The following YJU2B variants were observed in gnomAD, a reference collection of about 807,000 sequenced individuals.
YJU2B encodes YJU2 splicing factor homolog B, also known as probable splicing factor YJU2B.
In YJU2B, 18 loss-of-function variants were observed where a neutral mutation model predicts 38.0. The observed-to-expected ratio is 0.47, with a 90% CI of 0.33 to 0.70. YJU2B has a LOEUF of 0.70. Ranked by LOEUF, YJU2B falls within the 30% of genes least tolerant of loss-of-function variation. The pLI, the probability that YJU2B is intolerant of heterozygous loss-of-function variation, is 0.02. For missense variants in YJU2B, 538 were observed against 556.3 expected (o/e 0.97, Z 0.33); for synonymous variants, 246 against 225.4 (o/e 1.09, Z -0.82).
In YJU2B at chr19:13,734,532, C is replaced by T. The variant is rs563850921; in HGVS notation, c.-202+2247C>T. 5.3e-5 allele frequency among the ~76,000 whole-genome samples: 8 copies of T among 152,142 alleles called. No individual in the cohort carries two copies. The South Asian group carries it at 6.2e-4, about 12-fold the overall frequency. ...CTTGAACTCCTGGCCTCAAGTGATC[C>T]GCCCGCCTCGGCCTCCCGAAGTGCT... On this transcript the variant is annotated intron_variant, in intron 2 of 10. Transcript: ENST00000586600.
At chr19:13,742,255 T>C (rs1264713596) in intron 2 of YJU2B, among the ~76,000 whole-genome samples, 2 of 151,442 alleles carry the variant, frequency 1.3e-5, no homozygotes, top group Admixed American at 1.3e-4. Flanking sequence ...AGGAAGACAG[T>C]ATTTAACTCA....
At chr19:13,750,250 C>T (rs1414645431) in intron 1 of YJU2B, among the ~76,000 whole-genome samples, 3 of 152,022 alleles carry the variant, frequency 2.0e-5, no homozygotes, top group Admixed American at 1.3e-4. Flanking sequence ...TTGTTTGAGA[C>T]GGAGTCTCAC....
chr19:13,754,338 A>C lies in YJU2B; in HGVS notation c.53A>C (p.Glu18Ala). Residue 18 changes from glutamate (E) to alanine (A), a missense_variant, in exon 3 of 10, where the codon GAG becomes GCG. Glu to Ala is a moderately radical substitution (Grantham distance 107). Coordinates refer to ENST00000221554, the MANE Select transcript of YJU2B (RefSeq NM_030818.4). Reference sequence around the variant, plus strand: ...TACTATCCTCCAGACTTCAACCCTGAGAAGGTAAGCAGGCTCTCCGCTCCA... The same window carrying C: ...TACTATCCTCCAGACTTCAACCCTGCGAAGGTAAGCAGGCTCTCCGCTCCA... ...NKYYPPDFNP[E>A]KHGSLNRYHN... 1 of 1,613,494 alleles carries C rather than the reference A, an allele frequency of 6.2e-7. No individual in the cohort carries two copies. The highest frequency in any genetic ancestry group is 8.5e-7 in the Non-Finnish European group (1 of 1,179,406).
At chr19:13,746,698 G>A (rs1191464755), upstream of YJU2B, among the ~76,000 whole-genome samples, 2 of 152,146 alleles carry the variant, frequency 1.3e-5, no homozygotes, top group Non-Finnish European at 2.9e-5. Context: ...CCTGAGGTTG[G>A]GACTTCCAGA....
At chr19:13,737,026 CA>C (rs61619895) in intron 2 of YJU2B, among the ~76,000 whole-genome samples, 78 of 117,978 alleles carry the variant, frequency 6.6e-4, no homozygotes, top group Admixed American at 7.3e-4. Context: ...GACTCATTCT[CA>C]AAAAAAAAAA....
At chr19:13,761,721 A>G (rs1352588798) in intron 8 of YJU2B, among the ~76,000 whole-genome samples, 1 of 124,402 alleles carries the variant, frequency 8.0e-6, no homozygotes, top group Non-Finnish European at 1.7e-5. Flanking sequence ...TCTCTACAAA[A>G]AAAAATTTTT....
chr19:13,736,254 C>CTTTTTTTTTTTTT (rs60385996), intron 2 of YJU2B, among the ~76,000 whole-genome samples: 19 of 104,240 alleles, frequency 1.8e-4, no homozygotes, highest in South Asian at 6.8e-4. Context: ...TTCTTTCTTT[C>CTTTTTTTTTTTTT]TTTTTTTTTT....
chr19:13,736,254 C>CTT (rs60385996), intron 2 of YJU2B, among the ~76,000 whole-genome samples: 310 of 104,192 alleles, frequency 3.0e-3, no homozygotes, highest in Non-Finnish European at 3.9e-3. Context: ...TTCTTTCTTT[C>CTT]TTTTTTTTTT....
chr19:13,745,596 A>G (rs1355525943), upstream of YJU2B, among the ~76,000 whole-genome samples: 1 of 151,524 alleles, frequency 6.6e-6, no homozygotes, highest in Non-Finnish European at 1.5e-5. Context: ...GGTTGCGGTG[A>G]GCCAAGATTG....
intron 1 of YJU2B, among the ~76,000 whole-genome samples, chr19:13,748,619 G>C (rs1055974938): frequency 6.6e-6 from 1 of 152,084 alleles, no homozygotes; most frequent in African/African-American, 2.4e-5. Context: ...CTCTTTGCAG[G>C]CTCTTCCCGT....
chr19:13,749,199 T>G (rs1973361697), intron 1 of YJU2B, among the ~76,000 whole-genome samples: 1 of 152,198 alleles, frequency 6.6e-6, no homozygotes, highest in African/African-American at 2.4e-5. Context: ...AGACAGGGTT[T>G]CACCATGTTG....
chr19:13,744,115 C>T (rs376069590), upstream of YJU2B, among the ~76,000 whole-genome samples: 3 of 144,852 alleles, frequency 2.1e-5, no homozygotes, highest in East Asian at 4.2e-4. Flanking sequence ...CACTTGAACC[C>T]GAGAGGTGAA....
Position 13,751,633 on chromosome 19 carries a change from A to C in YJU2B, c.-176A>C, listed in dbSNP as rs114901324. On this transcript the variant is annotated 5_prime_UTR_variant, in exon 2 of 10. The change abolishes an upstream ATG in the 5' untranslated region. Coordinates refer to ENST00000221554, the MANE Select transcript of YJU2B (RefSeq NM_030818.4). ...ACACGCCGCTTTTTGGATGCCTCCTATGCCTGGCGGGAGTCTTGTCTGAGC... is the reference window on the plus strand; with the variant it reads ...ACACGCCGCTTTTTGGATGCCTCCTCTGCCTGGCGGGAGTCTTGTCTGAGC... 1.7e-4 allele frequency: 106 copies of C among 637,404 alleles called. 1 individual carries two copies. The African/African-American group carries it at 1.8e-3, about 11-fold the overall frequency. The allele number at this position is 637,404 out of a possible 1,614,324, so 39.5% of individuals were successfully genotyped here. A position where few individuals can be genotyped will look rare whatever the true frequency, so the allele number is the denominator to read the frequency against.
At position 13,757,687 on chromosome 19, in the gene YJU2B, C is replaced by T. The variant is rs548078439; in HGVS notation, c.197-99C>T. The T allele has an allele frequency of 5.1e-5, 66 of 1,298,998 alleles. No homozygotes were observed. In the East Asian group the frequency reaches 1.4e-3, roughly 27 times the overall value. 80.5% of individuals were successfully genotyped at this position (1,298,998 alleles called of 1,614,324 possible). A position where few individuals can be genotyped will look rare whatever the true frequency, so the allele number is the denominator to read the frequency against. The stretch of plus-strand genomic sequence containing the variant: ...TCTCTAACTCCTCCTAGTTGGGGAA[C>T]CCTCAGCAAGTGACAGTGAGCCTCT... On this transcript the variant is annotated intron_variant, in intron 5 of 9. Transcript: ENST00000221554.
chr19:13,757,930 A>C, intron 6 of YJU2B, 84 bp downstream of exon 6: 1 of 1,219,262 alleles, frequency 8.2e-7, no homozygotes, highest in Non-Finnish European at 1.2e-6. Flanking sequence ...TTGCGGGGGG[A>C]ACCCATTCCC....
intron 5 of YJU2B, 67 bp downstream of exon 5, chr19:13,757,540 G>A (rs1226681596): frequency 1.2e-5 from 17 of 1,366,144 alleles, no homozygotes; most frequent in South Asian, 2.3e-5. Flanking sequence ...GGATGCCGCC[G>A]GGGTGGGGGT....
chr19:13,742,903 GC>G (rs1418792226), upstream of YJU2B, among the ~76,000 whole-genome samples: 1 of 152,148 alleles, frequency 6.6e-6, no homozygotes, highest in Non-Finnish European at 1.5e-5. Context: ...GGATCAGCGA[GC>G]ATGCCTCCCT....
upstream of YJU2B, chr19:13,747,846 C>G (rs937847248): frequency 1.3e-5 from 2 of 152,330 alleles, no homozygotes; most frequent in Non-Finnish European, 2.9e-5. Context: ...TGCTGCCTCG[C>G]CCCGCCTCAC....
intron 5 of YJU2B, 121 bp from the exon 6 acceptor site, chr19:13,757,665 C>G: frequency 1.7e-6 from 2 of 1,169,012 alleles, no homozygotes; most frequent in Non-Finnish European, 2.6e-6. Flanking sequence ...AATCCCGTCT[C>G]TAACTCCTCC....
Sources: gnomAD v4.1 joint callset for allele counts (sites outside exome capture counted in the v4.1 genomes callset) on GRCh38, gnomAD v4.1.1 for gene constraint, MANE v1.5 for transcripts, NCBI Gene and HGNC (gene_info 2026-07-23, HGNC 2026-07-21) for gene names.